PGD: variants seen among roughly 807,000 people sequenced by gnomAD.
The protein encoded by PGD is phosphogluconate dehydrogenase, also known as 6-phosphogluconate dehydrogenase, decarboxylating.
PGD carries 21 observed loss-of-function variants against 60.4 expected under a neutral mutation model. That is an observed-to-expected ratio of 0.35 (90% CI 0.25 to 0.50). The LOEUF is 0.50. Ranked by LOEUF, PGD falls within the 20% of genes least tolerant of loss-of-function variation. The probability of loss-of-function intolerance (pLI) is 0.98; values close to 1 mark genes in which losing one functional copy is unlikely to be tolerated. For missense variants in PGD, 477 were observed against 613.1 expected (o/e 0.78, Z 2.34); for synonymous variants, 230 against 235.9 (o/e 0.97, Z 0.23).
intron 6 of PGD, among the ~76,000 whole-genome samples, chr1:10,409,288 G>T (rs752706544): frequency 1.6e-4 from 24 of 152,210 alleles, no homozygotes; most frequent in Non-Finnish European, 3.4e-4. Flanking sequence ...TTTGGCCACA[G>T]CAGCTCACTT....
At chr1:10,413,873 C>A (rs1639547447) in intron 8 of PGD, among the ~76,000 whole-genome samples, 1 of 151,968 alleles carries the variant, frequency 6.6e-6, no homozygotes, top group Non-Finnish European at 1.5e-5. Context: ...CCACTGCACT[C>A]CAGCCTGGGT....
chr1:10,399,227 G>C (rs1431351354), intron 1 of PGD, 102 bp downstream of exon 1: 1 of 1,369,054 alleles, frequency 7.3e-7, no homozygotes, highest in East Asian at 2.4e-5. Flanking sequence ...CCACCCTGGG[G>C]GTCGCCTGAG....
intron 5 of PGD, among the ~76,000 whole-genome samples, chr1:10,404,537 C>T (rs1298819797): frequency 2.7e-5 from 4 of 149,116 alleles, no homozygotes; most frequent in African/African-American, 9.9e-5. Flanking sequence ...TTTTTTTTTC[C>T]CGCCCAGGCA....
At chr1:10,399,171 G>T (rs983115854) in intron 1 of PGD, 46 bp downstream of exon 1, 4 of 1,602,088 alleles carry the variant, frequency 2.5e-6, no homozygotes, top group Non-Finnish European at 3.4e-6. Context: ...CAGCGGGCGG[G>T]GAACTCTTTG....
At chr1:10,401,152 C>T (rs1383281349) in intron 3 of PGD, among the ~76,000 whole-genome samples, 2 of 151,990 alleles carry the variant, frequency 1.3e-5, no homozygotes, top group Non-Finnish European at 2.9e-5. Context: ...TTACAGTGAC[C>T]TGAGATTGTG....
At chr1:10,414,356 C>T (rs1375491958) in intron 8 of PGD, among the ~76,000 whole-genome samples, 1 of 151,716 alleles carries the variant, frequency 6.6e-6, no homozygotes, top group Non-Finnish European at 1.5e-5. Flanking sequence ...AAAATCTTGG[C>T]CGGGGGGGTG....
chr1:10,419,001 T>G (rs1639644404), intron 11 of PGD, 76 bp downstream of exon 11: 5 of 904,150 alleles, frequency 5.5e-6, no homozygotes, highest in South Asian at 4.2e-5. Context: ...GTTTTTTGTT[T>G]TTTTTTTTTG....
chr1:10,399,395 G>A (rs1308881629), intron 1 of PGD: 14 of 487,456 alleles, frequency 2.9e-5, no homozygotes, highest in Non-Finnish European at 4.2e-5. Flanking sequence ...CGCCGAGTCT[G>A]CAGGGACACC....
intron 5 of PGD, among the ~76,000 whole-genome samples, chr1:10,405,425 C>CACACACACACAT (rs548786254): frequency 0.026 from 3,855 of 149,460 alleles, 108 homozygotes; most frequent in East Asian, 0.12. Flanking sequence ...CACACACACA[C>CACACACACACAT]ATATATATAA....
chr1:10,410,003 A>G (rs1444931508), intron 6 of PGD, among the ~76,000 whole-genome samples: 1 of 152,130 alleles, frequency 6.6e-6, no homozygotes, highest in Non-Finnish European at 1.5e-5. Flanking sequence ...TCATGAAGAG[A>G]AGCACAGTCC....
intron 5 of PGD, 127 bp downstream of exon 5, chr1:10,404,406 G>A: frequency 2.0e-6 from 1 of 497,514 alleles, no homozygotes; most frequent in South Asian, 4.1e-5. Context: ...GGAGATGCTG[G>A]CAATTTCTTT....
chr1:10,411,365 C>T, intron 6 of PGD, 53 bp from the exon 7 acceptor site: 1 of 1,608,028 alleles, frequency 6.2e-7, no homozygotes, highest in South Asian at 1.1e-5. Flanking sequence ...GTGGACTTCT[C>T]TGATGTGTCG....
chr1:10,413,288 C>T (rs1639531657), intron 8 of PGD, 37 bp downstream of exon 8: 2 of 1,555,804 alleles, frequency 1.3e-6, no homozygotes, highest in Non-Finnish European at 1.8e-6. Context: ...CTTTCGTCCA[C>T]TATTCTGATC....
chr1:10,419,049 C>G, intron 11 of PGD, 124 bp downstream of exon 11: 1 of 641,068 alleles, frequency 1.6e-6, no homozygotes, highest in East Asian at 2.8e-5. Context: ...CGCTCTGTCA[C>G]CCAGGCTGGA....
At chr1:10,419,570 T>A (rs1205063181) in intron 12 of PGD, 31 bp downstream of exon 12, 1 of 1,614,050 alleles carries the variant, frequency 6.2e-7, no homozygotes, top group Admixed American at 1.7e-5. Flanking sequence ...TTAACCTGGC[T>A]GGCCCCTCGG....
chr1:10,416,654 G>T (rs1399063409), intron 8 of PGD, among the ~76,000 whole-genome samples: 3 of 152,184 alleles, frequency 2.0e-5, no homozygotes, highest in Non-Finnish European at 4.4e-5. Context: ...CATTTTATAG[G>T]ATTTGGGCAG....
At position 10,416,997 on chromosome 1, in the gene PGD, C is replaced by G; in HGVS notation, c.855C>G (p.Val285=). The change falls in exon 9 of 13, where the codon GTC becomes GTG. Residue 285 remains valine (V), a synonymous_variant. Transcript: ENST00000270776. ...GATCTCCCCATGTAGGAGAAGCTGT[C>G]TTTGCTCGGTGCTTATCATCTCTGA... ...GVPVTLIGEA[V]FARCLSSLKD... 1 of 1,613,582 alleles carries G rather than the reference C, an allele frequency of 6.2e-7. No individual in the cohort carries two copies. Among genetic ancestry groups the G allele is most frequent in the Non-Finnish European group, 8.5e-7 (1 of 1,179,590 alleles).
chr1:10,403,516 G>T (rs1639350139), intron 4 of PGD, among the ~76,000 whole-genome samples: 1 of 148,190 alleles, frequency 6.7e-6, no homozygotes, highest in African/African-American at 2.5e-5. Flanking sequence ...GTTTGAACCT[G>T]GGAGGCAGAA....
chr1:10,410,926 A>T (rs1557763058), intron 6 of PGD, among the ~76,000 whole-genome samples: 1 of 151,902 alleles, frequency 6.6e-6, no homozygotes, highest in Non-Finnish European at 1.5e-5. Flanking sequence ...GAGACCTTGG[A>T]TCTAGGGTCA....
Sources: allele counts gnomAD v4.1 joint callset (sites outside exome capture counted in the v4.1 genomes callset), GRCh38; gene constraint gnomAD v4.1.1; transcripts MANE v1.5; gene names NCBI Gene and HGNC (gene_info 2026-07-23, HGNC 2026-07-21).